The following VPS13C variants were observed in gnomAD, a reference collection of about 807,000 sequenced individuals.
The protein encoded by VPS13C is vacuolar protein sorting 13 homolog C.
Under a neutral mutation model 456.8 loss-of-function variants are expected in VPS13C, and 358 were observed. The ratio of observed to expected loss-of-function variants is 0.78; its 90% CI spans 0.72 to 0.86. VPS13C has a LOEUF of 0.86. Ranked by LOEUF, VPS13C falls within the 40% of genes least tolerant of loss-of-function variation. VPS13C has a pLI of 0.00. For synonymous variants in VPS13C, 1,578 were observed against 1,486.7 expected (o/e 1.06, Z -1.41); for missense variants, 4,818 against 4,385.4 (o/e 1.10, Z -2.79).
intron 38 of VPS13C, among the ~76,000 whole-genome samples, chr15:61,953,599 T>C (rs533092429): frequency 1.8e-4 from 27 of 152,112 alleles, no homozygotes; most frequent in African/African-American, 6.0e-4. Context: ...TAGTATTCCA[T>C]GGTGTATATG....
At chr15:61,885,413 G>T (rs1214835903) in intron 67 of VPS13C, among the ~76,000 whole-genome samples, 1 of 151,974 alleles carries the variant, frequency 6.6e-6, no homozygotes, top group East Asian at 1.9e-4. Flanking sequence ...AGTGGTTGAG[G>T]GTGGTTCTTT....
intron 55 of VPS13C, 36 bp from the exon 56 acceptor site, chr15:61,920,683 T>C: frequency 1.3e-6 from 2 of 1,530,518 alleles, no homozygotes; most frequent in Admixed American, 2.4e-5. Context: ...TTTAAATTAT[T>C]AGCCAGTTGA....
chr15:62,000,390 GT>G (rs970762998), intron 16 of VPS13C, among the ~76,000 whole-genome samples, 173 bp downstream of exon 16: 10 of 151,542 alleles, frequency 6.6e-5, no homozygotes, highest in African/African-American at 9.7e-5. Flanking sequence ...TAAAAATAAG[GT>G]TTTTTTTCCC....
At chr15:61,908,964 A>G in intron 65 of VPS13C, 28 bp downstream of exon 65, 1 of 1,607,518 alleles carries the variant, frequency 6.2e-7, no homozygotes, top group Non-Finnish European at 8.5e-7. Context: ...CAATAAAAGT[A>G]TTTCCCATTA....
intron 16 of VPS13C, among the ~76,000 whole-genome samples, chr15:61,994,446 G>A (rs2046315406): frequency 6.6e-6 from 1 of 152,034 alleles, no homozygotes; most frequent in Admixed American, 6.6e-5. Context: ...TGTACCTTGG[G>A]GAATTTGCCT....
intron 73 of VPS13C, 67 bp from the exon 74 acceptor site, chr15:61,878,813 G>T (rs1312336922): frequency 2.0e-6 from 3 of 1,491,430 alleles, no homozygotes; most frequent in Non-Finnish European, 1.8e-6. Flanking sequence ...TAGGATCCAG[G>T]TAGTCCAGAA....
rs181593329 is a variant in VPS13C at position 61,892,208 on chromosome 15, C to T, written c.9106-1808G>A. Reference sequence around the variant, plus strand: ...AGAAGCAGGATTAAAAACTCCAGCCCAAGAATTTCTGCTCTTTATTTCAGC... The same window carrying T: ...AGAAGCAGGATTAAAAACTCCAGCCTAAGAATTTCTGCTCTTTATTTCAGC... On this transcript the variant is annotated intron_variant, in intron 66 of 84. Transcript: ENST00000644861. Among the ~76,000 whole-genome samples the T allele has an allele frequency of 9.9e-5, 15 of 152,260 alleles. No individual in the cohort carries two copies. The East Asian group carries it at 2.9e-3, about 29-fold the overall frequency.
chr15:62,028,727 T>C (rs1225046562), intron 5 of VPS13C, among the ~76,000 whole-genome samples: 2 of 152,080 alleles, frequency 1.3e-5, no homozygotes, highest in Non-Finnish European at 2.9e-5. Flanking sequence ...TTTCAAACAG[T>C]GCAAAAATCC....
At chr15:62,059,701 G>A (rs1771835401) in intron 1 of VPS13C, among the ~76,000 whole-genome samples, 1 of 152,188 alleles carries the variant, frequency 6.6e-6, no homozygotes. Context: ...CACAGGAGCT[G>A]AAAGCATTAA....
chr15:61,874,767 A>G (rs955133217), intron 77 of VPS13C, 109 bp downstream of exon 77: 2 of 982,132 alleles, frequency 2.0e-6, no homozygotes, highest in Non-Finnish European at 2.9e-6. Context: ...GGGATTATTA[A>G]GAAAGTGATC....
At position 61,927,312 on chromosome 15, in the gene VPS13C, C is replaced by A. The variant is rs1404009268; in HGVS notation, c.6295G>T (p.Val2099Phe). ...GCCTTTAAAGTCATATTTGGTCTAACAGAGTCATCTGAAGAAACAAGCAAC... is the reference window on the plus strand; with the variant it reads ...GCCTTTAAAGTCATATTTGGTCTAAAAGAGTCATCTGAAGAAACAAGCAAC... The part of the protein sequence containing the change: ...GKVKIEKDDS[V>F]RPNMTLKAMI... Residue 2099 changes from valine (V) to phenylalanine (F), a missense_variant, in exon 52 of 85, where the codon GTT (valine) becomes TTT (phenylalanine). Transcript: ENST00000644861. 6 of 1,613,188 alleles carry A rather than the reference C, an allele frequency of 3.7e-6. No homozygotes were observed. Among genetic ancestry groups the A allele is most frequent in the Non-Finnish European group, 5.1e-6 (6 of 1,179,566 alleles).
chr15:61,867,110 G>GT lies in VPS13C; in HGVS notation c.10863+1548dup. ...CTAAGGATTTAAAAGCAAAAGGTTG[G>GT]TTTTTGAAAATAAAGAAATCTATGT... On this transcript the variant is annotated intron_variant, in intron 81 of 84. Transcript: ENST00000644861. This position sits in a 1 kb window ranked among gnomAD's most constrained non-coding sequence, Gnocchi z 5.0. 1 of 974,984 alleles carries GT rather than the reference G, an allele frequency of 1.0e-6. No homozygotes were observed. The highest frequency in any genetic ancestry group is 1.8e-5 in the African/African-American group (1 of 57,088). The allele number at this position is 974,984 out of a possible 1,614,324, so 60.4% of individuals were successfully genotyped here. A position where few individuals can be genotyped will look rare whatever the true frequency, so the allele number is the denominator to read the frequency against.
In VPS13C at chr15:61,972,751, C is replaced by T; in HGVS notation, c.2631G>A (p.Glu877=). The part of the protein sequence containing the change: ...LDTVESESDD[E]YFDAEDGEPQ... ...GTTCTCCATCTTCAGCATCAAAATA[C>T]TCATCATCAGACTCTAAAGGAAAAA... is the stretch of plus-strand genomic sequence containing the variant. The change falls in exon 27 of 85, where the codon GAG becomes GAA. Residue 877 remains glutamate, a synonymous_variant. Coordinates refer to ENST00000644861, the MANE Select transcript of VPS13C (RefSeq NM_020821.3). 2 of 1,611,168 alleles carry T rather than the reference C, an allele frequency of 1.2e-6. No individual in the cohort carries two copies. The highest frequency in any genetic ancestry group is 1.1e-5 in the South Asian group (1 of 90,840).
intron 42 of VPS13C, 49 bp downstream of exon 42, chr15:61,949,394 G>A: frequency 6.3e-7 from 1 of 1,579,942 alleles, no homozygotes; most frequent in African/African-American, 1.4e-5. Flanking sequence ...GTTGTTATAT[G>A]ATTATTAAAG....
chr15:62,049,691 G>A (rs1292574040), intron 1 of VPS13C, among the ~76,000 whole-genome samples: 1 of 152,106 alleles, frequency 6.6e-6, no homozygotes, highest in African/African-American at 2.4e-5. Context: ...ATTACCTTGG[G>A]CAGTATGGCC....
At chr15:62,060,237 C>A in intron 1 of VPS13C, 38 bp downstream of exon 1, 1 of 1,312,240 alleles carries the variant, frequency 7.6e-7, no homozygotes, top group East Asian at 2.5e-5. Context: ...GCTGGGCCCT[C>A]AGCGCCCGCA....
chr15:61,873,544 A>G (rs1895187634), intron 77 of VPS13C, 135 bp from the exon 78 acceptor site: 1 of 820,402 alleles, frequency 1.2e-6, no homozygotes, highest in African/African-American at 1.7e-5. Context: ...AGACATACAA[A>G]TGGCCAACAA....
At chr15:61,874,519 T>C (rs949320281) in intron 77 of VPS13C, among the ~76,000 whole-genome samples, 1 of 152,080 alleles carries the variant, frequency 6.6e-6, no homozygotes, top group African/African-American at 2.4e-5. Flanking sequence ...ATTGTTTATA[T>C]AAACAGCATT....
chr15:61,889,453 C>T (rs1392488660), intron 67 of VPS13C, among the ~76,000 whole-genome samples: 3 of 152,054 alleles, frequency 2.0e-5, no homozygotes, highest in Non-Finnish European at 2.9e-5. Flanking sequence ...TTTCCCCAAA[C>T]GTGTGCTTCT....
Sources: allele counts gnomAD v4.1 joint callset (sites outside exome capture counted in the v4.1 genomes callset), GRCh38; gene constraint gnomAD v4.1.1; non-coding constraint Gnocchi (gnomAD v3.1); transcripts MANE v1.5; gene names NCBI Gene and HGNC (gene_info 2026-07-23, HGNC 2026-07-21).